DBN1: variants seen among roughly 807,000 people sequenced by gnomAD.
DBN1 encodes drebrin 1.
DBN1 carries 21 observed loss-of-function variants against 83.5 expected under a neutral mutation model. That is an observed-to-expected ratio of 0.25 (90% CI 0.18 to 0.36). The LOEUF is 0.36. Among genes scored for constraint, DBN1 ranks in the 10% least tolerant of loss-of-function variants. DBN1 has a pLI of 1.00. For missense variants in DBN1, 874 were observed against 935.7 expected (o/e 0.93, Z 0.86); for synonymous variants, 381 against 384.9 (o/e 0.99, Z 0.12).
chr5:177,465,327 G>A (rs1263208357), intron 8 of DBN1, among the ~76,000 whole-genome samples: 1 of 152,180 alleles, frequency 6.6e-6, no homozygotes, highest in Non-Finnish European at 1.5e-5. Context: ...TAAGCCACAC[G>A]CAAAAGGACA....
chr5:177,472,401 GA>G, intron 1 of DBN1: 1 of 1,445,716 alleles, frequency 6.9e-7, no homozygotes. Context: ...ACCTTCCCTA[GA>G]AGAAGAGTAT....
rs34301370 is a variant in DBN1 at position 177,460,437 on chromosome 5, C to A, written c.950G>T (p.Arg317Leu). The A allele has an allele frequency of 1.2e-6, 2 of 1,613,628 alleles. No individual in the cohort carries two copies. Among genetic ancestry groups the A allele is most frequent in the Non-Finnish European group, 1.7e-6 (2 of 1,179,938 alleles). ...SCDVPSPFNH[R>L]PGRPYCPFIK... ...GGGGTGGGGCCTAGGACTACCTGGT[C>A]GATGGTTGAAGGGCGAGGGTACATC... The change falls in exon 10 of 15, where the codon CGA becomes CTA. Residue 317 changes from arginine to leucine, a missense_variant. Around this residue, in one of 4 missense-constraint regions of DBN1, gnomAD observed 725 missense variants for 719.7 expected, o/e 1.01. Coordinates refer to ENST00000393565, the MANE Select transcript of DBN1 (RefSeq NM_001363541.2).
chr5:177,471,149 T>TG (rs529565663), intron 1 of DBN1, among the ~76,000 whole-genome samples: 1 of 150,448 alleles, frequency 6.6e-6, no homozygotes, highest in African/African-American at 2.5e-5. Flanking sequence ...TGAGCTGGGA[T>TG]GGGGGGTGAG....
At chr5:177,460,041 C>T (rs949834296) in intron 10 of DBN1, among the ~76,000 whole-genome samples, 6 of 152,218 alleles carry the variant, frequency 3.9e-5, no homozygotes, top group Non-Finnish European at 7.3e-5. Flanking sequence ...CACTGAGAAG[C>T]GGAACGGGGA....
intron 2 of DBN1, 106 bp from the exon 3 acceptor site, chr5:177,468,326 A>C: frequency 1.0e-6 from 1 of 973,166 alleles, no homozygotes. Context: ...AGGCACCCCC[A>C]GGGGTCTTCT....
At chr5:177,465,085 G>A (rs573384773) in intron 8 of DBN1, among the ~76,000 whole-genome samples, 6 of 152,130 alleles carry the variant, frequency 3.9e-5, no homozygotes, top group African/African-American at 1.2e-4. Flanking sequence ...CCTGGGAGGC[G>A]GAGCTGGCAG....
rs1757565997 is a variant in DBN1 at position 177,467,880 on chromosome 5, G to A, written c.256-63C>T. On this transcript the variant is annotated intron_variant, in intron 3 of 14. Transcript: ENST00000393565. The surrounding 1 kb of genome is among the most constrained non-coding windows in gnomAD (Gnocchi z 9.1). ...CAAGGGGGGCCCTACACGATAGGGTGCATCTTCCCCGGGGTGGGAAGAGGG... is the reference window on the plus strand; with the variant it reads ...CAAGGGGGGCCCTACACGATAGGGTACATCTTCCCCGGGGTGGGAAGAGGG... 4 of 1,571,350 alleles carry A rather than the reference G, an allele frequency of 2.5e-6. No homozygotes were observed. The South Asian group carries it at 4.5e-5, about 18-fold the overall frequency.
chr5:177,466,698 C>A lies in DBN1; in HGVS notation c.771+74G>T. ...ACTGTCCCTGAGCCACTGATCTCCC[C>A]ACAAGGCCCAGGAACACAGGGACCA... On this transcript the variant is annotated intron_variant, in intron 8 of 14. Transcript: ENST00000393565. This position sits in a 1 kb window ranked among gnomAD's most constrained non-coding sequence, Gnocchi z 4.8. 6.4e-7 allele frequency: 1 copy of A among 1,553,266 alleles called. No individual in the cohort carries two copies.
At position 177,459,670 on chromosome 5, in the gene DBN1, GGAGGAGGAGGAA is replaced by G; in HGVS notation, c.1014_1025del (p.Ser339_Ser342del). On this transcript the variant is annotated inframe_deletion, in exon 11 of 15. Coordinates refer to ENST00000393565, the MANE Select transcript of DBN1 (RefSeq NM_001363541.2). ...TATAGGGAAAGGGAGTCCGTGGAGG[GGAGGAGGAGGAA>G]GAGGAGGAGGAGGAAGGCCCACTGT... 6.3e-7 allele frequency: 1 copy of G among 1,589,918 alleles called. No homozygotes were observed. The highest frequency in any genetic ancestry group is 8.6e-7 in the Non-Finnish European group (1 of 1,168,362).
At position 177,458,038 on chromosome 5, in the gene DBN1, C is replaced by T. The variant is rs1306997752; in HGVS notation, c.1914+20G>A. On this transcript the variant is annotated intron_variant, in intron 13 of 14. Coordinates refer to ENST00000393565, the MANE Select transcript of DBN1 (RefSeq NM_001363541.2). ...CCCCCACTCCCTCCCATCCCTCCCA[C>T]CAGGCAGTCCCTGCCGCACCTGGGT... is the stretch of plus-strand genomic sequence containing the variant. 2 of 1,613,618 alleles carry T rather than the reference C, an allele frequency of 1.2e-6. No individual in the cohort carries two copies. The highest frequency in any genetic ancestry group is 1.7e-6 in the Non-Finnish European group (2 of 1,179,944).
At chr5:177,472,796 G>A in intron 1 of DBN1, 2 of 986,458 alleles carry the variant, frequency 2.0e-6, no homozygotes, top group Non-Finnish European at 2.4e-6. Context: ...TCCGCGACCC[G>A]CGGCGGTAAG....
chr5:177,460,409 CG>C (rs765492651), intron 10 of DBN1, 22 bp downstream of exon 10: 2 of 1,612,708 alleles, frequency 1.2e-6, no homozygotes, highest in Non-Finnish European at 8.5e-7. Context: ...TGGGGCCGGA[CG>C]GGGGGTGGGG....
chr5:177,466,404 G>A lies in DBN1; in HGVS notation c.771+368C>T, dbSNP rs530442458. On this transcript the variant is annotated intron_variant, in intron 8 of 14. Transcript: ENST00000393565. This position sits in a 1 kb window ranked among gnomAD's most constrained non-coding sequence, Gnocchi z 4.8. ...ACACTGCCTGCAGATGCTCAGCACT[G>A]GCCCAGGCTCACCCATGCCGCCTGC... 2.0e-5 allele frequency among the ~76,000 whole-genome samples: 3 copies of A among 152,168 alleles called. No homozygotes were observed. Among genetic ancestry groups the A allele is most frequent in the Non-Finnish European group, 4.4e-5 (3 of 68,020 alleles).
rs568123693 is a variant in DBN1, at chr5:177,468,559, G to A, written c.142+285C>T. On this transcript the variant is annotated intron_variant, in intron 2 of 14. Coordinates refer to ENST00000393565, the MANE Select transcript of DBN1 (RefSeq NM_001363541.2). The stretch of plus-strand genomic sequence containing the variant: ...AAGCCTTCTGGCTCTGGGGAAGGCG[G>A]TGAATAGGGCCCTTCCCCCAAAGTG... The A allele has an allele frequency of 7.4e-5, 34 of 456,552 alleles. 1 individual carries two copies. In the South Asian group the frequency reaches 1.9e-3, roughly 25 times the overall value. 28.3% of individuals were successfully genotyped at this position (456,552 alleles called of 1,614,324 possible).
rs763145075 is a variant in DBN1 at position 177,458,492 on chromosome 5, C to T, written c.1480G>A (p.Asp494Asn). Residue 494 changes from aspartate to asparagine, a missense_variant, in exon 13 of 15, where the codon GAT becomes AAT. By Grantham distance (23) the Asp-to-Asn change is conservative. Coordinates refer to ENST00000393565, the MANE Select transcript of DBN1 (RefSeq NM_001363541.2). ...TCAGTTTCAATGGTGTCAGCTGCATCGTGGATCTCCGTGGCGTCAGCTGTG... is the reference window on the plus strand; with the variant it reads ...TCAGTTTCAATGGTGTCAGCTGCATTGTGGATCTCCGTGGCGTCAGCTGTG... ...PATADATEIH[D>N]AADTIETDTA... 15 of 1,613,724 alleles carry T rather than the reference C, an allele frequency of 9.3e-6. No individual in the cohort carries two copies. Among genetic ancestry groups the T allele is most frequent in the South Asian group, 5.5e-5 (5 of 91,076 alleles).
rs770171587 is a variant in DBN1, at chr5:177,458,434, T to A, written c.1538A>T (p.Asn513Ile). ...TATADTTVAN[N>I]VPPAATSLID... ...GAGGCTGGTGGCGGCGGGGGGTACG[T>A]TGTTGGCAACAGTGGTGTCAGCAGT... The change falls in exon 13 of 15, where the codon AAC becomes ATC. Residue 513 changes from asparagine to isoleucine, a missense_variant. This residue lies in a region of DBN1 where 725 missense variants were observed against 719.7 expected (regional missense o/e 1.01). Transcript: ENST00000393565. 1.8e-5 allele frequency: 29 copies of A among 1,614,046 alleles called. No homozygotes were observed. The highest frequency in any genetic ancestry group is 1.3e-4 in the African/African-American group (10 of 74,924).
Position 177,466,856 on chromosome 5 carries a change from C to T in DBN1, c.708-21G>A, listed in dbSNP as rs1757474407. 6.2e-7 allele frequency: 1 copy of T among 1,614,042 alleles called. No individual in the cohort carries two copies. Among genetic ancestry groups the T allele is most frequent in the East Asian group, 2.2e-5 (1 of 44,868 alleles). ...TCCTCCTGGAACGATAAGCAGCCAG[C>T]ACCCGTCAGGGTGCGCCCGGGGGCC... On this transcript the variant is annotated intron_variant, in intron 7 of 14. Coordinates refer to ENST00000393565, the MANE Select transcript of DBN1 (RefSeq NM_001363541.2). The surrounding 1 kb of genome is among the most constrained non-coding windows in gnomAD (Gnocchi z 4.8).
chr5:177,472,584 G>A lies in DBN1; in HGVS notation c.86+852C>T, dbSNP rs1380938988. Among the ~76,000 whole-genome samples, 3 of 152,016 alleles carry A rather than the reference G, an allele frequency of 2.0e-5. 1 individual carries two copies. Among genetic ancestry groups the A allele is most frequent in the South Asian group, 4.1e-4 (2 of 4,828 alleles). On this transcript the variant is annotated intron_variant, in intron 1 of 14. Coordinates refer to ENST00000393565, the MANE Select transcript of DBN1 (RefSeq NM_001363541.2). The stretch of plus-strand genomic sequence containing the variant: ...GGGCGGCCCAGCTCCTCCCCCATCA[G>A]GGACCGAGTGCCCCTTGCTGGGGGC...
intron 1 of DBN1, among the ~76,000 whole-genome samples, chr5:177,469,323 G>A (rs1008600556): frequency 2.0e-5 from 3 of 152,046 alleles, no homozygotes; most frequent in African/African-American, 4.8e-5. Context: ...CCCCTCCCCC[G>A]GGGAGGGAGG....
Sources: gnomAD v4.1 joint callset for allele counts (sites outside exome capture counted in the v4.1 genomes callset) on GRCh38, gnomAD v4.1.1 for gene constraint, gnomAD v4.1.1 regional missense constraint, Gnocchi (gnomAD v3.1) non-coding constraint, MANE v1.5 for transcripts, NCBI Gene and HGNC (gene_info 2026-07-23, HGNC 2026-07-21) for gene names.